Variants in GLIS3 observed in about 807,000 individuals in gnomAD.
GLIS3 encodes the protein zinc finger protein GLIS3.
In GLIS3, 53 loss-of-function variants were observed where a neutral mutation model predicts 78.6. That is an observed-to-expected ratio of 0.67 (90% CI 0.54 to 0.85). GLIS3 has a LOEUF of 0.85. GLIS3 is among the 40% of genes least tolerant of loss of function. The pLI is 0.00. For synonymous variants in GLIS3, 684 were observed against 509.9 expected, an observed-to-expected ratio of 1.34 and a Z score of -4.60; for missense variants, 1,703 against 1,231.1, an observed-to-expected ratio of 1.38 and a Z score of -5.74.
At chr9:4,345,432 G>C (rs1817885471) in intron 2 of GLIS3, among the ~76,000 whole-genome samples, 1 of 151,820 alleles carries the variant, frequency 6.6e-6, no homozygotes, top group African/African-American at 2.4e-5. Context: ...TCTGTTTATT[G>C]TCTGGCTCTC....
intron 4 of GLIS3, among the ~76,000 whole-genome samples, chr9:3,982,436 T>A (rs1819377880): frequency 6.6e-6 from 1 of 152,204 alleles, no homozygotes; most frequent in South Asian, 2.1e-4. Context: ...TCATCTGGAA[T>A]TGTAAAGATC....
At chr9:4,478,961 A>C in the GLIS3 span, among the ~76,000 whole-genome samples, 1 of 152,218 alleles carries the variant, frequency 6.6e-6, no homozygotes. Context: ...AATATTGGGG[A>C]TAGAGAAAAA....
the GLIS3 span, among the ~76,000 whole-genome samples, chr9:4,441,309 T>A: frequency 6.6e-6 from 1 of 152,228 alleles, no homozygotes; most frequent in Non-Finnish European, 1.5e-5. Flanking sequence ...TGGCTTTTAT[T>A]GTGTTGAGGC....
intron 6 of GLIS3, among the ~76,000 whole-genome samples, chr9:3,931,091 C>T (rs1825581414): frequency 6.6e-6 from 1 of 151,774 alleles, no homozygotes; most frequent in African/African-American, 2.4e-5. Flanking sequence ...ACTGGGATTC[C>T]AATTAAAGAA....
chr9:3,961,973 G>A (rs1313157388), intron 4 of GLIS3, among the ~76,000 whole-genome samples: 2 of 152,168 alleles, frequency 1.3e-5, no homozygotes, highest in Non-Finnish European at 2.9e-5. Flanking sequence ...GGGAGGCCGA[G>A]GCAGGCGGAT....
chr9:4,275,062 G>A (rs1029150129), intron 2 of GLIS3, among the ~76,000 whole-genome samples: 1 of 152,310 alleles, frequency 6.6e-6, no homozygotes, highest in East Asian at 1.9e-4. Flanking sequence ...TGACAAGTCA[G>A]AAGTAGCAAA....
chr9:3,947,502 C>A (rs1332829034), intron 4 of GLIS3, among the ~76,000 whole-genome samples: 2 of 152,244 alleles, frequency 1.3e-5, no homozygotes, highest in Non-Finnish European at 2.9e-5. Context: ...TGGGCACACA[C>A]TTTAACACTT....
At chr9:4,422,609 G>A in the GLIS3 span, among the ~76,000 whole-genome samples, 11 of 152,146 alleles carry the variant, frequency 7.2e-5, no homozygotes, top group African/African-American at 2.7e-4. Flanking sequence ...TATGAGCACT[G>A]GGGACACAAC....
At chr9:4,215,074 G>A (rs538631583) in intron 2 of GLIS3, among the ~76,000 whole-genome samples, 39 of 152,168 alleles carry the variant, frequency 2.6e-4, no homozygotes, top group African/African-American at 8.2e-4. Context: ...TGATGGTGCA[G>A]AGATTCACAA....
chr9:3,929,070 A>C (rs867651997), intron 6 of GLIS3, among the ~76,000 whole-genome samples: 28 of 152,328 alleles, frequency 1.8e-4, no homozygotes, highest in Middle Eastern at 6.8e-3. Flanking sequence ...TCATTATCAG[A>C]CAGAATTGAA....
intron 2 of GLIS3, among the ~76,000 whole-genome samples, chr9:4,283,457 C>T (rs187860090): frequency 6.6e-6 from 1 of 152,046 alleles, no homozygotes; most frequent in Admixed American, 6.6e-5. Context: ...GCAGAGGCGG[C>T]GTTTCACCAT....
At chr9:3,894,142 G>A (rs1380661306) in intron 7 of GLIS3, among the ~76,000 whole-genome samples, 4 of 152,206 alleles carry the variant, frequency 2.6e-5, no homozygotes. Context: ...TTCCAAAATT[G>A]TTCTGCTGCT....
chr9:4,105,000 C>T (rs1015841145), intron 4 of GLIS3, among the ~76,000 whole-genome samples: 1 of 152,178 alleles, frequency 6.6e-6, no homozygotes, highest in African/African-American at 2.4e-5. Context: ...AGAGAACATG[C>T]ACACCTATAA....
intron 4 of GLIS3, among the ~76,000 whole-genome samples, chr9:3,999,530 A>G (rs909634580): frequency 6.6e-6 from 1 of 152,142 alleles, no homozygotes; most frequent in African/African-American, 2.4e-5. Context: ...ATAATATACC[A>G]TGGGGGGAAA....
intron 2 of GLIS3, among the ~76,000 whole-genome samples, chr9:4,159,501 T>C (rs5027093): frequency 0.24 from 36,288 of 152,082 alleles, 4,701 homozygotes; most frequent in South Asian, 0.36. Flanking sequence ...GGTGGATCAC[T>C]TGAGGTGAGG....
At chr9:3,886,970 G>T (rs1822123666) in intron 7 of GLIS3, among the ~76,000 whole-genome samples, 1 of 152,134 alleles carries the variant, frequency 6.6e-6, no homozygotes, top group Non-Finnish European at 1.5e-5. Context: ...CCCTGCCTCT[G>T]CATCAGGAAG....
intron 4 of GLIS3, among the ~76,000 whole-genome samples, chr9:3,987,171 G>A (rs1819807704): frequency 2.0e-5 from 3 of 152,048 alleles, no homozygotes; most frequent in African/African-American, 7.2e-5. Context: ...TAAAATAATA[G>A]TAATACAGAT....
intron 4 of GLIS3, among the ~76,000 whole-genome samples, chr9:4,018,453 C>T (rs759402548): frequency 6.6e-6 from 1 of 152,134 alleles, no homozygotes; most frequent in Non-Finnish European, 1.5e-5. Context: ...TAAAGGAACA[C>T]TTGGGGTGTA....
the GLIS3 span, among the ~76,000 whole-genome samples, chr9:4,375,065 C>T: frequency 6.6e-6 from 1 of 152,194 alleles, no homozygotes; most frequent in Non-Finnish European, 1.5e-5. Context: ...GCTTTGATTG[C>T]TCTCTGCTTG....
Sources: allele counts gnomAD v4.1 joint callset (sites outside exome capture counted in the v4.1 genomes callset), GRCh38; gene constraint gnomAD v4.1.1; transcripts MANE v1.5; gene names NCBI Gene and HGNC (gene_info 2026-07-23, HGNC 2026-07-21).